The following ADORA2B variants were observed in gnomAD, a reference collection of about 807,000 sequenced individuals.
ADORA2B encodes the protein adenosine receptor A2b.
ADORA2B carries 18 observed loss-of-function variants against 20.8 expected under a neutral mutation model. The ratio of observed to expected loss-of-function variants is 0.87; its 90% CI spans 0.60 to 1.29. The LOEUF (loss-of-function observed/expected upper bound fraction) is 1.29. ADORA2B is among the 50% of genes most tolerant of loss of function. ADORA2B has a pLI of 0.00. For missense variants in ADORA2B, 441 were observed against 422.7 expected, an observed-to-expected ratio of 1.04 and a Z score of -0.38; for synonymous variants, 179 against 178.3, an observed-to-expected ratio of 1.00 and a Z score of -0.03.
chr17:15,974,580 GGTT>G (rs1970224348), intron 1 of ADORA2B, 96 bp from the exon 2 acceptor site: 3 of 1,068,624 alleles, frequency 2.8e-6, no homozygotes, highest in Non-Finnish European at 4.1e-6. Context: ...GAACTTTAGA[GGTT>G]GTTAAAGGGT....
intron 1 of ADORA2B, 31 bp downstream of exon 1, chr17:15,945,614 GC>G (rs1567775455): frequency 6.9e-7 from 1 of 1,445,190 alleles, no homozygotes; most frequent in South Asian, 1.4e-5. Flanking sequence ...CGAACTCGGG[GC>G]CCCGTCGGAG....
the ADORA2B span, among the ~76,000 whole-genome samples, chr17:15,898,269 A>G: frequency 6.6e-6 from 1 of 151,960 alleles, no homozygotes; most frequent in African/African-American, 2.4e-5. Flanking sequence ...GAGTGTTGTA[A>G]TATTTGCTTT....
In ADORA2B at chr17:15,954,119, CAG is replaced by C. The variant is rs1401440089; in HGVS notation, c.335+8537_335+8538del. On this transcript the variant is annotated intron_variant, in intron 1 of 1. Transcript: ENST00000304222. ...TCAGCCTCCCGAGTAGCTGGGATTACAGGCACGTGCCACCACGCCTGGCTAAC... is the reference window on the plus strand; with the variant it reads ...TCAGCCTCCCGAGTAGCTGGGATTACGCACGTGCCACCACGCCTGGCTAAC... 6.6e-5 allele frequency among the ~76,000 whole-genome samples: 10 copies of C among 152,102 alleles called. No individual in the cohort carries two copies. In the East Asian group the frequency reaches 1.7e-3, roughly 26 times the overall value.
chr17:15,900,149 G>A, the ADORA2B span, among the ~76,000 whole-genome samples: 1 of 152,024 alleles, frequency 6.6e-6, no homozygotes, highest in Non-Finnish European at 1.5e-5. Flanking sequence ...TTCTTTATCC[G>A]GTCCACCACT....
the ADORA2B span, among the ~76,000 whole-genome samples, chr17:15,877,028 TTCGCTTAGCA>T: frequency 3.9e-5 from 6 of 152,226 alleles, no homozygotes; most frequent in Non-Finnish European, 7.3e-5. Flanking sequence ...TCTGGCTTAT[TTCGCTTAGCA>T]TAATGACCTC....
the ADORA2B span, among the ~76,000 whole-genome samples, chr17:15,929,254 A>C: frequency 6.6e-6 from 1 of 152,156 alleles, no homozygotes; most frequent in African/African-American, 2.4e-5. Flanking sequence ...AGTTTAAAGA[A>C]TGTTTGAACC....
At chr17:15,912,214 C>CAAAAA in the ADORA2B span, among the ~76,000 whole-genome samples, 7 of 75,918 alleles carry the variant, frequency 9.2e-5, no homozygotes, top group South Asian at 4.9e-4. Context: ...GACTCTGTCT[C>CAAAAA]AAAAAAAAAA....
At position 15,975,305 on chromosome 17, in the gene ADORA2B, A is replaced by G. The variant is rs772717092; in HGVS notation, c.962A>G (p.Gln321Arg). Residue 321 changes from glutamine to arginine, a missense_variant, in exon 2 of 2, where the codon CAG (glutamine) becomes CGG (arginine). Coordinates refer to ENST00000304222, the MANE Select transcript of ADORA2B (RefSeq NM_000676.4). The stretch of plus-strand genomic sequence containing the variant: ...GCAGATGTCAAGAGTGGGAATGGTC[A>G]GGCTGGGGTACAGCCTGCTCTCGGT... ...CQADVKSGNG[Q>R]AGVQPALGVG... 6.2e-7 allele frequency: 1 copy of G among 1,613,046 alleles called. No individual in the cohort carries two copies. Among genetic ancestry groups the G allele is most frequent in the African/African-American group, 1.3e-5 (1 of 75,004 alleles).
the ADORA2B span, among the ~76,000 whole-genome samples, chr17:15,859,620 T>G: frequency 6.6e-6 from 1 of 152,080 alleles, no homozygotes; most frequent in African/African-American, 2.4e-5. Flanking sequence ...CTTGAAAGGT[T>G]TATCCTGTTC....
At chr17:15,910,927 C>T in the ADORA2B span, among the ~76,000 whole-genome samples, 1 of 152,230 alleles carries the variant, frequency 6.6e-6, no homozygotes, top group African/African-American at 2.4e-5. Flanking sequence ...AGCTGCAGCT[C>T]TGTATCAGAA....
At chr17:15,879,096 A>G in the ADORA2B span, among the ~76,000 whole-genome samples, 1 of 152,152 alleles carries the variant, frequency 6.6e-6, no homozygotes, top group Non-Finnish European at 1.5e-5. Flanking sequence ...ATAAGGCCTG[A>G]TTTTTTTAGT....
At chr17:15,867,178 C>A in the ADORA2B span, among the ~76,000 whole-genome samples, 3 of 152,168 alleles carry the variant, frequency 2.0e-5, no homozygotes, top group Admixed American at 2.0e-4. Context: ...CCCAAAGTGC[C>A]GAGATTGCAG....
the ADORA2B span, among the ~76,000 whole-genome samples, chr17:15,932,548 A>C: frequency 2.0e-5 from 3 of 151,712 alleles, no homozygotes; most frequent in Admixed American, 2.0e-4. Context: ...ATTTACACCT[A>C]TGTTTTCTTC....
At chr17:15,928,466 C>T in the ADORA2B span, among the ~76,000 whole-genome samples, 1 of 151,918 alleles carries the variant, frequency 6.6e-6, no homozygotes, top group South Asian at 2.1e-4. Flanking sequence ...GGAGGCTGAG[C>T]ATGGGGAGGC....
At chr17:15,923,806 C>T in the ADORA2B span, among the ~76,000 whole-genome samples, 1 of 152,104 alleles carries the variant, frequency 6.6e-6, no homozygotes, top group African/African-American at 2.4e-5. Flanking sequence ...AATAGCTTCC[C>T]CAGTGATTGT....
chr17:15,943,505 T>G (rs1371990061), upstream of ADORA2B, among the ~76,000 whole-genome samples: 1 of 152,194 alleles, frequency 6.6e-6, no homozygotes, highest in Non-Finnish European at 1.5e-5. Flanking sequence ...TTATTTTTTA[T>G]TTGTTTGTTT....
rs558890937 is a variant in ADORA2B at position 15,954,228 on chromosome 17, C to T, written c.335+8645C>T. Among the ~76,000 whole-genome samples, 6 of 152,334 alleles carry T rather than the reference C, an allele frequency of 3.9e-5. No homozygotes were observed. The South Asian group carries it at 1.2e-3, about 32-fold the overall frequency. Reference sequence around the variant, plus strand: ...TCCTGACCTCAGGTGATCCACCTGCCTCGGTCTCCCAAAGTGTTGGGATTA... The same window carrying T: ...TCCTGACCTCAGGTGATCCACCTGCTTCGGTCTCCCAAAGTGTTGGGATTA... On this transcript the variant is annotated intron_variant, in intron 1 of 1. Coordinates refer to ENST00000304222, the MANE Select transcript of ADORA2B (RefSeq NM_000676.4).
At chr17:15,855,390 C>A in the ADORA2B span, among the ~76,000 whole-genome samples, 1 of 151,978 alleles carries the variant, frequency 6.6e-6, no homozygotes, top group Non-Finnish European at 1.5e-5. Flanking sequence ...TGTGCTTGGC[C>A]TCTTGTGTAA....
intron 1 of ADORA2B, among the ~76,000 whole-genome samples, chr17:15,953,498 C>G (rs1969931686): frequency 6.6e-6 from 1 of 152,214 alleles, no homozygotes; most frequent in Admixed American, 6.5e-5. Context: ...TGGTTTTGTG[C>G]TGCCATCTTG....
Sources: allele counts gnomAD v4.1 joint callset (sites outside exome capture counted in the v4.1 genomes callset), GRCh38; gene constraint gnomAD v4.1.1; transcripts MANE v1.5; gene names NCBI Gene and HGNC (gene_info 2026-07-23, HGNC 2026-07-21).